The following MEI4 variants were observed in gnomAD, a reference collection of about 807,000 sequenced individuals.
The protein encoded by MEI4 is meiotic double-stranded break formation protein 4.
A neutral mutation model predicts 31.4 loss-of-function variants in MEI4; 27 were observed. The observed-to-expected ratio is 0.86, with a 90% CI of 0.63 to 1.19. The LOEUF (loss-of-function observed/expected upper bound fraction) is 1.19. MEI4 is among the 50% of genes most tolerant of loss of function. The probability of loss-of-function intolerance (pLI) is 0.00; values close to 1 mark genes in which losing one functional copy is unlikely to be tolerated. For synonymous variants in MEI4, 122 were observed against 145.4 expected (o/e 0.84, Z 1.16); for missense variants, 329 against 398.9 (o/e 0.82, Z 1.49).
At chr6:77,764,768 C>A (rs983540769) in intron 3 of MEI4, among the ~76,000 whole-genome samples, 7 of 152,154 alleles carry the variant, frequency 4.6e-5, no homozygotes, top group African/African-American at 1.4e-4. Context: ...TTCTTTCTGA[C>A]CACAATATAA....
intron 4 of MEI4, among the ~76,000 whole-genome samples, chr6:77,898,760 C>T (rs1766133105): frequency 6.6e-6 from 1 of 152,094 alleles, no homozygotes; most frequent in South Asian, 2.1e-4. Flanking sequence ...AATATACAGT[C>T]CCCTTTGTTA....
intron 1 of MEI4, among the ~76,000 whole-genome samples, chr6:77,681,997 A>G (rs1319734630): frequency 1.3e-5 from 2 of 152,250 alleles, no homozygotes; most frequent in East Asian, 3.9e-4. Flanking sequence ...TGCTGAAACT[A>G]TAACAATAAT....
intron 1 of MEI4, among the ~76,000 whole-genome samples, chr6:77,669,893 A>G (rs1001307700): frequency 6.6e-6 from 1 of 152,206 alleles, no homozygotes; most frequent in African/African-American, 2.4e-5. Context: ...GTCTGACTTC[A>G]CAACTGGAAC....
At chr6:77,736,415 C>T (rs1338694478) in intron 2 of MEI4, among the ~76,000 whole-genome samples, 2 of 152,094 alleles carry the variant, frequency 1.3e-5, no homozygotes, top group Middle Eastern at 3.2e-3. Flanking sequence ...CATCTGTCAC[C>T]CCTTTCTTTG....
intron 2 of MEI4, among the ~76,000 whole-genome samples, chr6:77,710,448 G>A (rs1734386367): frequency 6.8e-6 from 1 of 148,130 alleles, no homozygotes; most frequent in African/African-American, 2.5e-5. Context: ...CTTGAACCTG[G>A]GAGGTGGAGA....
Position 77,877,581 on chromosome 6 carries a change from A to G in MEI4, c.901-45508A>G, listed in dbSNP as rs367678156. ...GCTCATGGTACAAACTTGAATAACA[A>G]TCTTAAATTGTGATATTCAGAAATG... On this transcript the variant is annotated intron_variant, in intron 4 of 4. Transcript: ENST00000684080. Among the ~76,000 whole-genome samples the G allele has an allele frequency of 7.2e-5, 11 of 152,188 alleles. No individual in the cohort carries two copies. The East Asian group carries it at 1.2e-3, about 16-fold the overall frequency.
intron 4 of MEI4, among the ~76,000 whole-genome samples, chr6:77,921,159 G>A (rs542823275): frequency 1.4e-4 from 22 of 151,942 alleles, no homozygotes; most frequent in African/African-American, 5.3e-4. Context: ...GTTATTTAGT[G>A]TAGCCACCTT....
chr6:77,690,828 A>G lies in MEI4; in HGVS notation c.157A>G (p.Ile53Val), dbSNP rs1769144247. ...EQSKWRSKVE[I>V]LEAEVMQLRQ... ...GTCAAAATGGAGATCAAAAGTTGAA[A>G]TCTTGGAAGCTGAAGTTATGCAATT... Residue 53 changes from isoleucine (I) to valine (V), a missense_variant, in exon 2 of 5, where the codon ATC becomes GTC. Physicochemically the swap from Ile to Val is conservative, Grantham distance 29. Coordinates refer to ENST00000684080, the MANE Select transcript of MEI4 (RefSeq NM_001322247.2). The G allele has an allele frequency of 3.2e-6, 4 of 1,231,442 alleles. No homozygotes were observed. Among genetic ancestry groups the G allele is most frequent in the Non-Finnish European group, 4.1e-6 (4 of 987,442 alleles). 76.3% of individuals were successfully genotyped at this position (1,231,442 alleles called of 1,614,324 possible). A position where few individuals can be genotyped will look rare whatever the true frequency, so the allele number is the denominator to read the frequency against.
chr6:77,755,825 GGTGTGTGTGTGT>G (rs34181852), intron 2 of MEI4, among the ~76,000 whole-genome samples: 1 of 145,168 alleles, frequency 6.9e-6, no homozygotes, highest in African/African-American at 2.5e-5. Context: ...GTGCTGGAAT[GGTGTGTGTGTGT>G]GTGTGTGTGT....
intron 4 of MEI4, among the ~76,000 whole-genome samples, chr6:77,900,027 A>G (rs1766157682): frequency 6.6e-6 from 1 of 151,972 alleles, no homozygotes; most frequent in Non-Finnish European, 1.5e-5. Flanking sequence ...AAATAGACAC[A>G]TGGAATCATG....
chr6:77,695,133 G>A (rs1445115765), intron 2 of MEI4, among the ~76,000 whole-genome samples: 2 of 152,118 alleles, frequency 1.3e-5, no homozygotes, highest in Non-Finnish European at 2.9e-5. Flanking sequence ...TTGTAAATTT[G>A]TTTGAGTTCA....
chr6:77,678,618 T>G (rs1277362193), intron 1 of MEI4, among the ~76,000 whole-genome samples: 1 of 151,852 alleles, frequency 6.6e-6, no homozygotes, highest in Admixed American at 6.6e-5. Context: ...TATGACACAA[T>G]TATGCATGAT....
chr6:77,820,990 G>A lies in MEI4; in HGVS notation c.769-7941G>A, dbSNP rs555748796. ...TCTCTATGTCTCTTAACCTCTACTC[G>A]TATATTGCATGCACATCATTTCTCT... On this transcript the variant is annotated intron_variant, in intron 3 of 4. Coordinates refer to ENST00000684080, the MANE Select transcript of MEI4 (RefSeq NM_001322247.2). This position sits in a 1 kb window ranked among gnomAD's most constrained non-coding sequence, Gnocchi z 4.5. Among the ~76,000 whole-genome samples the A allele has an allele frequency of 4.0e-5, 6 of 151,188 alleles. No homozygotes were observed. The highest frequency in any genetic ancestry group is 6.6e-5 in the Admixed American group (1 of 15,188).
chr6:77,891,701 C>T (rs1771773036), intron 4 of MEI4, among the ~76,000 whole-genome samples: 1 of 151,944 alleles, frequency 6.6e-6, no homozygotes, highest in Non-Finnish European at 1.5e-5. Context: ...TTCATATTTT[C>T]ATGTTCTTTA....
chr6:77,799,072 A>T (rs1223689983), intron 3 of MEI4, among the ~76,000 whole-genome samples: 80 of 152,022 alleles, frequency 5.3e-4, no homozygotes, highest in African/African-American at 1.7e-3. Flanking sequence ...CACCACACTG[A>T]CTTCCACAAT....
chr6:77,888,206 C>A (rs1329382461), intron 4 of MEI4, among the ~76,000 whole-genome samples: 1 of 152,018 alleles, frequency 6.6e-6, no homozygotes, highest in Non-Finnish European at 1.5e-5. Context: ...TTTTTAAAAT[C>A]AATTCAGCCA....
At chr6:77,859,381 T>C (rs1255137444) in intron 4 of MEI4, among the ~76,000 whole-genome samples, 1 of 152,118 alleles carries the variant, frequency 6.6e-6, no homozygotes, top group African/African-American at 2.4e-5. Flanking sequence ...GAGTAAATAC[T>C]CAGTAACAGA....
rs1766758364 is a variant in MEI4, at chr6:77,923,413, GA to G, written c.*71del. The G allele has an allele frequency of 2.6e-6, 3 of 1,145,660 alleles. No individual in the cohort carries two copies. The highest frequency in any genetic ancestry group is 3.3e-6 in the Non-Finnish European group (3 of 911,024). 71.0% of individuals were successfully genotyped at this position (1,145,660 alleles called of 1,614,324 possible). ...GTAGAATATATGAAAATCTCATACT[GA>G]AAAGATTTTCAATAGTATTTTAATT... On this transcript the variant is annotated 3_prime_UTR_variant, in exon 5 of 5. Transcript: ENST00000684080.
chr6:77,881,356 C>CA (rs1325455767), intron 4 of MEI4, among the ~76,000 whole-genome samples: 10 of 151,944 alleles, frequency 6.6e-5, no homozygotes, highest in Non-Finnish European at 1.3e-4. Flanking sequence ...TAATGTTTAG[C>CA]AAAAAAACCC....
Sources: gnomAD v4.1 joint callset for allele counts (sites outside exome capture counted in the v4.1 genomes callset) on GRCh38, gnomAD v4.1.1 for gene constraint, Gnocchi (gnomAD v3.1) non-coding constraint, MANE v1.5 for transcripts, NCBI Gene and HGNC (gene_info 2026-07-23, HGNC 2026-07-21) for gene names.